The following ZNF395 variants were observed in gnomAD, a reference collection of about 807,000 sequenced individuals.
ZNF395 encodes the protein HD gene regulatory region-binding protein 2.
In ZNF395, 20 loss-of-function variants were observed where a neutral mutation model predicts 57.7. The observed-to-expected ratio is 0.35, with a 90% CI of 0.24 to 0.50. The LOEUF (loss-of-function observed/expected upper bound fraction) is 0.50, where lower values mean the gene tolerates loss of function less well. Ranked by LOEUF, ZNF395 falls within the 20% of genes least tolerant of loss-of-function variation. ZNF395 has a pLI of 0.97. For synonymous variants in ZNF395, 295 were observed against 275.9 expected (o/e 1.07, Z -0.69); for missense variants, 606 against 671.2 (o/e 0.90, Z 1.07).
chr8:28,384,601 C>G (rs1353835623), intron 1 of ZNF395, among the ~76,000 whole-genome samples: 3 of 152,176 alleles, frequency 2.0e-5, no homozygotes, highest in African/African-American at 7.2e-5. Context: ...CCTCTCTCCC[C>G]GAGACAGGTA....
chr8:28,356,635 C>T lies in ZNF395; in HGVS notation c.583+35G>A. The T allele has an allele frequency of 6.5e-7, 1 of 1,540,570 alleles. No homozygotes were observed. The highest frequency in any genetic ancestry group is 9.0e-7 in the Non-Finnish European group (1 of 1,115,950). ...GAGGATGTTTGTCGTGGGCCTCTAC[C>T]ATGCCCAGAACCCAGCTGGGCCCCG... On this transcript the variant is annotated intron_variant, in intron 4 of 9. Coordinates refer to ENST00000344423, the MANE Select transcript of ZNF395 (RefSeq NM_018660.3). The surrounding 1 kb of genome is among the most constrained non-coding windows in gnomAD (Gnocchi z 4.0).
In ZNF395 at chr8:28,378,789, G is replaced by A. The variant is rs1170688191; in HGVS notation, c.-59+7604C>T. On this transcript the variant is annotated intron_variant, in intron 1 of 9. Transcript: ENST00000344423. ...CTAATTCCTGTCCTTCTCTTCTACC[G>A]CATCCCTAATCAACAGCATTCAGCC... 2.0e-5 allele frequency among the ~76,000 whole-genome samples: 3 copies of A among 152,054 alleles called. 1 individual carries two copies. The highest frequency in any genetic ancestry group is 4.8e-5 in the African/African-American group (2 of 41,392).
rs1426395011 is a variant in ZNF395, at chr8:28,351,924, G to A, written c.921-117C>T. ...GGCCACCCAGCAAGCCAGGGACGGAGCCCAAGAGAACACCCAGGTGCCTCG... is the reference window on the plus strand; with the variant it reads ...GGCCACCCAGCAAGCCAGGGACGGAACCCAAGAGAACACCCAGGTGCCTCG... On this transcript the variant is annotated intron_variant, in intron 6 of 9. Transcript: ENST00000344423. The A allele has an allele frequency of 2.2e-5, 28 of 1,248,568 alleles. 1 individual carries two copies. The highest frequency in any genetic ancestry group is 2.7e-5 in the Non-Finnish European group (25 of 911,766). The allele number at this position is 1,248,568 out of a possible 1,614,324, so 77.3% of individuals were successfully genotyped here. A position where few individuals can be genotyped will look rare whatever the true frequency, so the allele number is the denominator to read the frequency against.
intron 1 of ZNF395, among the ~76,000 whole-genome samples, chr8:28,382,377 CCCACTTTAACAACTT>C (rs1802119995): frequency 6.6e-6 from 1 of 152,166 alleles, no homozygotes; most frequent in South Asian, 2.1e-4. Flanking sequence ...GTGACCCCAG[CCCACTTTAACAACTT>C]GATTTCTCCC....
intron 3 of ZNF395, among the ~76,000 whole-genome samples, chr8:28,357,387 A>G (rs1585854282): frequency 6.6e-6 from 1 of 152,184 alleles, no homozygotes; most frequent in South Asian, 2.1e-4. Context: ...AAATCTCCCA[A>G]TGCAAGTGTC....
intron 1 of ZNF395, among the ~76,000 whole-genome samples, chr8:28,381,677 G>C (rs1235912869): frequency 6.6e-6 from 1 of 152,116 alleles, no homozygotes; most frequent in African/African-American, 2.4e-5. Context: ...GGAGCCATTT[G>C]GATCAATACC....
chr8:28,376,960 T>C (rs1802049627), intron 1 of ZNF395, among the ~76,000 whole-genome samples: 2 of 152,200 alleles, frequency 1.3e-5, no homozygotes, highest in South Asian at 4.1e-4. Flanking sequence ...GCATATATCA[T>C]GTGGAGACAA....
chr8:28,367,767 A>T (rs1801928271), intron 1 of ZNF395, among the ~76,000 whole-genome samples: 1 of 152,200 alleles, frequency 6.6e-6, no homozygotes, highest in Non-Finnish European at 1.5e-5. Flanking sequence ...ATGGGACTGC[A>T]GCCTCCTTAG....
chr8:28,352,891 T>C lies in ZNF395; in HGVS notation c.820-218A>G, dbSNP rs1563336702. ...TGGCCAACAGCAGTGCTCCATGCTGTGGCTAAGACCCTACTGGAGGCCTCT... is the reference window on the plus strand; with the variant it reads ...TGGCCAACAGCAGTGCTCCATGCTGCGGCTAAGACCCTACTGGAGGCCTCT... On this transcript the variant is annotated intron_variant, in intron 5 of 9. Transcript: ENST00000344423. This position sits in a 1 kb window ranked among gnomAD's most constrained non-coding sequence, Gnocchi z 4.0. Among the ~76,000 whole-genome samples the C allele has an allele frequency of 6.6e-6, 1 of 152,182 alleles. No individual in the cohort carries two copies. Among genetic ancestry groups the C allele is most frequent in the Non-Finnish European group, 1.5e-5 (1 of 68,022 alleles).
intron 4 of ZNF395, among the ~76,000 whole-genome samples, chr8:28,355,658 T>A (rs1045787176): frequency 2.6e-5 from 4 of 152,214 alleles, no homozygotes; most frequent in Non-Finnish European, 2.9e-5. Flanking sequence ...TAAACTCTCC[T>A]GAGAACTTAG....
Position 28,359,795 on chromosome 8 carries a change from G to A in ZNF395, c.270C>T (p.Cys90=), listed in dbSNP as rs991796199. The A allele has an allele frequency of 2.5e-6, 4 of 1,613,906 alleles. No individual in the cohort carries two copies. The African/African-American group carries it at 4.0e-5, about 16-fold the overall frequency. The change falls in exon 3 of 10, where the codon TGC becomes TGT. Residue 90 remains cysteine, a synonymous_variant. Transcript: ENST00000344423. This position sits in a 1 kb window ranked among gnomAD's most constrained non-coding sequence, Gnocchi z 4.7. ...AGCTGTGCTGCTCCACCAGTCCTGT[G>A]CACTCTTGACCCCCGTACCACACAT... ...KVYVWYGGQE[C]TGLVEQHSWM... is the part of the protein sequence containing the mutation.
rs1209618985 is a variant in ZNF395 at position 28,351,656 on chromosome 8, T to TG, written c.1071dup (p.Ser358GlnfsTer127). 1 of 1,613,226 alleles carries TG rather than the reference T, an allele frequency of 6.2e-7. No homozygotes were observed. Among genetic ancestry groups the TG allele is most frequent in the Non-Finnish European group, 8.5e-7 (1 of 1,179,894 alleles). On this transcript the variant is annotated frameshift_variant, in exon 7 of 10. Transcript: ENST00000344423. LOFTEE classifies it high-confidence loss of function. ...GCAGACAGAGGCAGGCCAGTCATGCTGGGGGTGGGAGCTGGCTCGGAGGTG... is the reference window on the plus strand; with the variant it reads ...GCAGACAGAGGCAGGCCAGTCATGCTGGGGGGTGGGAGCTGGCTCGGAGGTG...
At position 28,345,870 on chromosome 8, in the gene ZNF395, C is replaced by T. The variant is rs1439213247; in HGVS notation, c.*2849G>A. 1 of 150,998 alleles carries T rather than the reference C, an allele frequency of 6.6e-6. No homozygotes were observed. Among genetic ancestry groups the T allele is most frequent in the Non-Finnish European group, 1.5e-5 (1 of 67,884 alleles). 9.4% of individuals were successfully genotyped at this position (150,998 alleles called of 1,614,324 possible). On this transcript the variant is annotated 3_prime_UTR_variant, in exon 10 of 10. Coordinates refer to ENST00000344423, the MANE Select transcript of ZNF395 (RefSeq NM_018660.3). ...TCTCCACAACCAAATGAATATTGTTCTCCAAGGAGTCAAGCTATAGACTCA... is the reference window on the plus strand; with the variant it reads ...TCTCCACAACCAAATGAATATTGTTTTCCAAGGAGTCAAGCTATAGACTCA...
intron 1 of ZNF395, among the ~76,000 whole-genome samples, chr8:28,363,602 G>A (rs1273514952): frequency 6.6e-6 from 1 of 152,052 alleles, no homozygotes; most frequent in Non-Finnish European, 1.5e-5. Flanking sequence ...CCCAGAGAAA[G>A]AAACTGCACC....
rs79852178 is a variant in ZNF395, at chr8:28,352,422, T to C, written c.920+151A>G. 543 of 623,146 alleles carry C rather than the reference T, an allele frequency of 8.7e-4. 2 individuals carry two copies. The East Asian group carries it at 0.014, about 16-fold the overall frequency. 38.6% of individuals were successfully genotyped at this position (623,146 alleles called of 1,614,324 possible). ...AACAGCAACAATGTTCACCAGGATG[T>C]CTTTCTCAGGGGGCCAGGAAGAGAC... On this transcript the variant is annotated intron_variant, in intron 6 of 9. Coordinates refer to ENST00000344423, the MANE Select transcript of ZNF395 (RefSeq NM_018660.3). This position sits in a 1 kb window ranked among gnomAD's most constrained non-coding sequence, Gnocchi z 4.0.
At chr8:28,380,112 A>C (rs918678756) in intron 1 of ZNF395, among the ~76,000 whole-genome samples, 1 of 152,124 alleles carries the variant, frequency 6.6e-6, no homozygotes, top group African/African-American at 2.4e-5. Flanking sequence ...CCTCTAGCCC[A>C]CACCATTGGA....
chr8:28,349,209 C>A lies in ZNF395; in HGVS notation c.1346G>T (p.Ser449Ile). 6.4e-7 allele frequency: 1 copy of A among 1,554,288 alleles called. No individual in the cohort carries two copies. The highest frequency in any genetic ancestry group is 8.7e-7 in the Non-Finnish European group (1 of 1,150,666). ...SLSPVRSRSL[S>I]FSEPQQPAPA... ...TGCTGGCTGCTGGGGCTCGCTGAAG[C>A]TTAGCGACCGGCTCCGGACCTGGGC... The change falls in exon 9 of 10, where the codon AGC becomes ATC. Residue 449 changes from serine to isoleucine, a missense_variant. Ser to Ile is a moderately radical substitution (Grantham distance 142, BLOSUM62 -2). Around this residue, in one of 3 missense-constraint regions of ZNF395, gnomAD observed 261 missense variants for 240.3 expected, o/e 1.09. Coordinates refer to ENST00000344423, the MANE Select transcript of ZNF395 (RefSeq NM_018660.3).
intron 3 of ZNF395, among the ~76,000 whole-genome samples, chr8:28,358,915 G>A (rs1801814433): frequency 6.6e-6 from 1 of 152,180 alleles, no homozygotes. Context: ...AGACTGTGTA[G>A]TCCATCAAGC....
At chr8:28,382,884 G>A (rs759555146) in intron 1 of ZNF395, among the ~76,000 whole-genome samples, 1 of 152,156 alleles carries the variant, frequency 6.6e-6, no homozygotes, top group Non-Finnish European at 1.5e-5. Flanking sequence ...TAATAGACTA[G>A]AAAATAGAAA....
Sources: gnomAD v4.1 joint callset for allele counts (sites outside exome capture counted in the v4.1 genomes callset) on GRCh38, gnomAD v4.1.1 for gene constraint, gnomAD v4.1.1 regional missense constraint, Gnocchi (gnomAD v3.1) non-coding constraint, MANE v1.5 for transcripts, NCBI Gene and HGNC (gene_info 2026-07-23, HGNC 2026-07-21) for gene names.